Variants in NBDY observed in about 807,000 individuals in gnomAD.
The protein encoded by NBDY is negative regulator of P-body association, also known as P-body dissociating protein.
At chrX:56,807,166 G>A (rs566369244) in intron 2 of NBDY, among the ~76,000 whole-genome samples, 3 of 111,638 alleles carry the variant, frequency 2.7e-5, no homozygotes, top group African/African-American at 9.8e-5. Context: ...CTGTTCCATT[G>A]GTTTATATAT....
chrX:56,799,399 C>T (rs1246858279), intron 2 of NBDY, among the ~76,000 whole-genome samples: 1 of 113,421 alleles, frequency 8.8e-6, no homozygotes, highest in Non-Finnish European at 1.9e-5. Flanking sequence ...TTCTCTTAAA[C>T]CCATTTCAAG....
intron 2 of NBDY, among the ~76,000 whole-genome samples, chrX:56,785,561 TG>T: frequency 9.0e-6 from 1 of 111,543 alleles, no homozygotes; most frequent in Middle Eastern, 4.6e-3. Context: ...CCTTTCTTGT[TG>T]TTTCCTGTCT....
intron 2 of NBDY, among the ~76,000 whole-genome samples, chrX:56,792,478 G>A (rs1024720024): frequency 6.3e-5 from 7 of 111,098 alleles, no homozygotes; most frequent in African/African-American, 2.3e-4. Context: ...ACAGACCACA[G>A]ACACAATGCA....
At position 56,729,275 on chromosome X, in the gene NBDY, G is replaced by C; in HGVS notation, c.-79G>C. ...GAGGAAGCCAGCTCTGTGCCTGGAG[G>C]GGACTCGCCGCCATCTCAGGTCTCT... is the stretch of plus-strand genomic sequence containing the variant. On this transcript the variant is annotated 5_prime_UTR_variant, in exon 1 of 3. Coordinates refer to ENST00000374922, the MANE Select transcript of NBDY (RefSeq NM_001348129.2). 3.4e-6 allele frequency: 1 copy of C among 295,381 alleles called. No individual in the cohort carries two copies. Among genetic ancestry groups the C allele is most frequent in the Non-Finnish European group, 5.9e-6 (1 of 169,330 alleles). The allele number at this position is 295,381 out of a possible 1,213,427, so 24.3% of individuals were successfully genotyped here.
chrX:56,807,436 C>A (rs1250180787), intron 2 of NBDY, among the ~76,000 whole-genome samples: 1 of 111,563 alleles, frequency 9.0e-6, no homozygotes, highest in Non-Finnish European at 1.9e-5. Context: ...ATTGATTCTT[C>A]CCATCCATGA....
At position 56,766,671 on chromosome X, in the gene NBDY, T is replaced by C. The variant is rs2069667559; in HGVS notation, c.*166+34472T>C. Among the ~76,000 whole-genome samples the C allele has an allele frequency of 4.5e-5, 5 of 111,753 alleles. No individual in the cohort carries two copies. In the Admixed American group the frequency reaches 4.7e-4, roughly 10 times the overall value. On this transcript the variant is annotated intron_variant, in intron 2 of 2. Coordinates refer to ENST00000374922, the MANE Select transcript of NBDY (RefSeq NM_001348129.2). ...CAGGCCTGAGTCATTATGCCATTTA[T>C]TGGGCAACTAGGGCCTTCTCCTGAG...
At chrX:56,731,235 A>G (rs2069456133) in intron 1 of NBDY, among the ~76,000 whole-genome samples, 1 of 110,131 alleles carries the variant, frequency 9.1e-6, no homozygotes, top group African/African-American at 3.3e-5. Flanking sequence ...GGAAGGTTGC[A>G]GGGAGTAGGG....
In NBDY at chrX:56,818,515, A is replaced by G. The variant is rs954786896; in HGVS notation, c.*1362A>G. ...TTTTAAAACTTCTGAGCCAGGCTGA[A>G]CATCACAAACAGTAAACACAGACTT... On this transcript the variant is annotated 3_prime_UTR_variant, in exon 3 of 3. Coordinates refer to ENST00000374922, the MANE Select transcript of NBDY (RefSeq NM_001348129.2). 3 of 112,297 alleles carry G rather than the reference A, an allele frequency of 2.7e-5. No homozygotes were observed. Among genetic ancestry groups the G allele is most frequent in the Non-Finnish European group, 5.6e-5 (3 of 53,250 alleles). 9.3% of individuals were successfully genotyped at this position (112,297 alleles called of 1,213,427 possible).
At chrX:56,786,849 A>G (rs147702337) in intron 2 of NBDY, among the ~76,000 whole-genome samples, 51 of 111,124 alleles carry the variant, frequency 4.6e-4, no homozygotes, top group African/African-American at 1.5e-3. Flanking sequence ...CTTCACTTTC[A>G]TTCTTAAAGG....
intron 2 of NBDY, among the ~76,000 whole-genome samples, chrX:56,750,546 C>T (rs4826498): frequency 0.54 from 59,282 of 109,756 alleles, 14,251 homozygotes; most frequent in Non-Finnish European, 0.74. Flanking sequence ...CATATAGTCA[C>T]CTGCCTGCTC....
chrX:56,764,578 T>C (rs1256808312), intron 2 of NBDY, among the ~76,000 whole-genome samples: 1 of 110,340 alleles, frequency 9.1e-6, no homozygotes, highest in Non-Finnish European at 1.9e-5. Context: ...CCGTGCATCC[T>C]GTTGTGTTCA....
intron 2 of NBDY, among the ~76,000 whole-genome samples, chrX:56,792,310 G>A (rs1362340152): frequency 9.0e-6 from 1 of 111,392 alleles, no homozygotes; most frequent in Admixed American, 9.5e-5. Flanking sequence ...TTGGAAGTGT[G>A]TAATCCTGAG....
intron 2 of NBDY, among the ~76,000 whole-genome samples, chrX:56,790,971 G>T (rs930372361): frequency 1.8e-5 from 2 of 112,358 alleles, no homozygotes; most frequent in Non-Finnish European, 3.8e-5. Flanking sequence ...TGCAGATGTG[G>T]TGCAAACCCA....
chrX:56,758,985 G>A (rs760105199), intron 2 of NBDY, among the ~76,000 whole-genome samples: 1 of 112,147 alleles, frequency 8.9e-6, no homozygotes, highest in Non-Finnish European at 1.9e-5. Context: ...TCTAAAGGTT[G>A]CATGTCCTAC....
rs1460201975 is a variant in NBDY, at chrX:56,817,228, G to T, written c.*167-92G>T. On this transcript the variant is annotated intron_variant, in intron 2 of 2. Coordinates refer to ENST00000374922, the MANE Select transcript of NBDY (RefSeq NM_001348129.2). The stretch of plus-strand genomic sequence containing the variant: ...TAACTTGCTTAATAGGGAAATTGGG[G>T]TGTTTTCTGCTCAACAGACATATCT... The T allele has an allele frequency of 2.7e-5, 3 of 112,131 alleles. No homozygotes were observed. The East Asian group carries it at 8.3e-4, about 31-fold the overall frequency. 9.2% of individuals were successfully genotyped at this position (112,131 alleles called of 1,213,427 possible). A position where few individuals can be genotyped will look rare whatever the true frequency, so the allele number is the denominator to read the frequency against.
At chrX:56,767,583 C>G (rs901127139) in intron 2 of NBDY, among the ~76,000 whole-genome samples, 8 of 113,415 alleles carry the variant, frequency 7.1e-5, no homozygotes, top group Non-Finnish European at 1.1e-4. Flanking sequence ...CCCCGCACTC[C>G]GAGCAGCCAG....
At chrX:56,785,465 C>A (rs1263842437) in intron 2 of NBDY, among the ~76,000 whole-genome samples, 1 of 111,237 alleles carries the variant, frequency 9.0e-6, no homozygotes, top group Non-Finnish European at 1.9e-5. Context: ...AAGTGTCTGG[C>A]CAGACACCTT....
chrX:56,813,056 G>A (rs1265196406), intron 2 of NBDY, among the ~76,000 whole-genome samples: 1 of 110,788 alleles, frequency 9.0e-6, no homozygotes, highest in Non-Finnish European at 1.9e-5. Flanking sequence ...GAGGGGAGGG[G>A]GAGGGATAGC....
intron 2 of NBDY, among the ~76,000 whole-genome samples, chrX:56,804,856 T>C (rs912450463): frequency 8.9e-6 from 1 of 112,497 alleles, no homozygotes; most frequent in Non-Finnish European, 1.9e-5. Flanking sequence ...CTCATTGCTC[T>C]AAAGGTTGCA....
Sources: gnomAD v4.1 joint callset for allele counts (sites outside exome capture counted in the v4.1 genomes callset) on GRCh38, gnomAD v4.1.1 for gene constraint, MANE v1.5 for transcripts, NCBI Gene and HGNC (gene_info 2026-07-23, HGNC 2026-07-21) for gene names.